Variants in FAP observed in about 807,000 individuals in gnomAD.
The protein encoded by FAP is fibroblast activation protein alpha.
Under a neutral mutation model 126.5 loss-of-function variants are expected in FAP, and 110 were observed. That is an observed-to-expected ratio of 0.87 (90% CI 0.74 to 1.02). FAP has a LOEUF of 1.02. Ranked by LOEUF, FAP falls within the 50% of genes least tolerant of loss-of-function variation. FAP has a pLI of 0.00. For missense variants in FAP, 919 were observed against 909.2 expected, an observed-to-expected ratio of 1.01 and a Z score of -0.14; for synonymous variants, 334 against 297.3, an observed-to-expected ratio of 1.12 and a Z score of -1.27.
At position 162,235,389 on chromosome 2, in the gene FAP, G is replaced by T. The variant is rs371676441; in HGVS notation, c.91+7519C>A. Among the ~76,000 whole-genome samples, 13 of 152,342 alleles carry T rather than the reference G, an allele frequency of 8.5e-5. 1 individual carries two copies. The highest frequency in any genetic ancestry group is 2.9e-4 in the African/African-American group (12 of 41,588). On this transcript the variant is annotated intron_variant, in intron 2 of 25. Transcript: ENST00000188790. Reference sequence around the variant, plus strand: ...GCCAGCTGGGCTCCTGAGGTTAGTGGGGACTTGGAGAACCTTTGTGTCTAG... The same window carrying T: ...GCCAGCTGGGCTCCTGAGGTTAGTGTGGACTTGGAGAACCTTTGTGTCTAG...
chr2:162,187,177 T>A (rs972663267), intron 20 of FAP, among the ~76,000 whole-genome samples: 6 of 152,068 alleles, frequency 3.9e-5, no homozygotes, highest in African/African-American at 1.4e-4. Flanking sequence ...GACAAAAATA[T>A]AGAAAAGTGT....
chr2:162,199,204 G>C (rs1688392398), intron 15 of FAP, among the ~76,000 whole-genome samples: 1 of 152,164 alleles, frequency 6.6e-6, no homozygotes, highest in Non-Finnish European at 1.5e-5. Flanking sequence ...CAAAGTGCTT[G>C]GGAATGCATA....
intron 16 of FAP, among the ~76,000 whole-genome samples, chr2:162,197,911 G>A (rs1688320611): frequency 6.6e-6 from 1 of 152,218 alleles, no homozygotes; most frequent in African/African-American, 2.4e-5. Context: ...AGGTGACAGA[G>A]ATTGGAGAAT....
In FAP at chr2:162,209,788, C is replaced by T. The variant is rs998561597; in HGVS notation, c.1047+164G>A. 46 of 572,118 alleles carry T rather than the reference C, an allele frequency of 8.0e-5. 1 individual carries two copies. Among genetic ancestry groups the T allele is most frequent in the South Asian group, 3.9e-4 (16 of 40,946 alleles). The allele number at this position is 572,118 out of a possible 1,614,324, so 35.4% of individuals were successfully genotyped here. A position where few individuals can be genotyped will look rare whatever the true frequency, so the allele number is the denominator to read the frequency against. ...TTCTAAAAAGGACATTGAAATTGTC[C>T]GGCACAAAATCACTCAAGAGATCAC... is the stretch of plus-strand genomic sequence containing the variant. On this transcript the variant is annotated intron_variant, in intron 12 of 25. Coordinates refer to ENST00000188790, the MANE Select transcript of FAP (RefSeq NM_004460.5).
At chr2:162,194,851 A>T (rs1043526849) in intron 16 of FAP, 103 bp from the exon 17 acceptor site, 1 of 971,244 alleles carries the variant, frequency 1.0e-6, no homozygotes, top group African/African-American at 1.6e-5. Flanking sequence ...AAGTGCCAGT[A>T]CATCTTTTAA....
intron 22 of FAP, among the ~76,000 whole-genome samples, chr2:162,174,195 T>C (rs1482979661): frequency 6.6e-6 from 1 of 152,148 alleles, no homozygotes; most frequent in Non-Finnish European, 1.5e-5. Flanking sequence ...GATGAAAATA[T>C]GTCCCTCAAA....
chr2:162,233,686 A>G (rs1205434825), intron 2 of FAP, among the ~76,000 whole-genome samples: 3 of 152,118 alleles, frequency 2.0e-5, no homozygotes, highest in Non-Finnish European at 2.9e-5. Flanking sequence ...CACTCTTTAA[A>G]TGGTATTCTT....
chr2:162,216,813 T>C (rs1689176332), intron 9 of FAP, among the ~76,000 whole-genome samples: 1 of 152,346 alleles, frequency 6.6e-6, no homozygotes, highest in Admixed American at 6.5e-5. Context: ...CCCAAGTTTA[T>C]CAGAAACTCC....
At chr2:162,235,201 C>T (rs1044992677) in intron 2 of FAP, among the ~76,000 whole-genome samples, 1 of 152,012 alleles carries the variant, frequency 6.6e-6, no homozygotes, top group Non-Finnish European at 1.5e-5. Context: ...CCTCCCCCTC[C>T]GCCATGGGCT....
intron 16 of FAP, chr2:162,194,965 AGCCTT>A: frequency 1.8e-6 from 1 of 563,730 alleles, no homozygotes; most frequent in Non-Finnish European, 3.2e-6. Flanking sequence ...CTGTGAAAGA[AGCCTT>A]GCCTGTGCAC....
In FAP at chr2:162,217,913, C is replaced by A. The variant is rs1038073731; in HGVS notation, c.762+73G>T. 10 of 1,241,432 alleles carry A rather than the reference C, an allele frequency of 8.1e-6. No homozygotes were observed. In the South Asian group the frequency reaches 9.6e-5, roughly 12 times the overall value. 76.9% of individuals were successfully genotyped at this position (1,241,432 alleles called of 1,614,324 possible). A position where few individuals can be genotyped will look rare whatever the true frequency, so the allele number is the denominator to read the frequency against. ...AGCTCTCCAAACTTGTTGATCCCACCTTTACTCATGGTAAATCATTGCTCA... is the reference window on the plus strand; with the variant it reads ...AGCTCTCCAAACTTGTTGATCCCACATTTACTCATGGTAAATCATTGCTCA... On this transcript the variant is annotated intron_variant, in intron 9 of 25. Coordinates refer to ENST00000188790, the MANE Select transcript of FAP (RefSeq NM_004460.5).
Position 162,226,521 on chromosome 2 carries a change from A to T in FAP, c.190+2T>A. ...ACCCCTAAAGATAAATAATGCACTT[A>T]CCTGAAATCCAGTTTGGAAAAAATG... is the stretch of plus-strand genomic sequence containing the variant. On this transcript the variant is annotated splice_donor_variant, in intron 3 of 25. Coordinates refer to ENST00000188790, the MANE Select transcript of FAP (RefSeq NM_004460.5). LOFTEE classifies it high-confidence loss of function. 6.7e-7 allele frequency: 1 copy of T among 1,503,658 alleles called. No homozygotes were observed. The highest frequency in any genetic ancestry group is 9.2e-7 in the Non-Finnish European group (1 of 1,091,446). The allele number at this position is 1,503,658 out of a possible 1,614,324, so 93.1% of individuals were successfully genotyped here. A position where few individuals can be genotyped will look rare whatever the true frequency, so the allele number is the denominator to read the frequency against.
chr2:162,235,620 C>G (rs1325831723), intron 2 of FAP, among the ~76,000 whole-genome samples: 2 of 152,164 alleles, frequency 1.3e-5, no homozygotes, highest in Non-Finnish European at 2.9e-5. Flanking sequence ...CCAATCAGCT[C>G]TCTGTAAAAC....
chr2:162,202,234 T>C (rs1452582091), intron 14 of FAP, among the ~76,000 whole-genome samples: 1 of 152,236 alleles, frequency 6.6e-6, no homozygotes, highest in Non-Finnish European at 1.5e-5. Flanking sequence ...TTAAATAGTA[T>C]GCAGAATGGA....
intron 22 of FAP, 107 bp downstream of exon 22, chr2:162,174,760 G>C (rs1687428482): frequency 1.5e-6 from 1 of 658,380 alleles, no homozygotes; most frequent in Non-Finnish European, 2.7e-6. Context: ...TTTCCCCAGT[G>C]ATGCTGGGGT....
chr2:162,173,680 A>G (rs1362110886), intron 23 of FAP, 43 bp downstream of exon 23: 3 of 1,268,166 alleles, frequency 2.4e-6, no homozygotes, highest in Non-Finnish European at 3.4e-6. Context: ...TATTTAGCAT[A>G]TTAGAAATTA....
At chr2:162,240,507 C>T (rs934426716) in intron 2 of FAP, among the ~76,000 whole-genome samples, 9 of 152,312 alleles carry the variant, frequency 5.9e-5, no homozygotes, top group African/African-American at 2.2e-4. Context: ...TGGATTCTTA[C>T]TCCCCAACTT....
At chr2:162,223,389 T>C (rs148725663) in intron 6 of FAP, among the ~76,000 whole-genome samples, 11 of 152,280 alleles carry the variant, frequency 7.2e-5, no homozygotes, top group African/African-American at 2.6e-4. Context: ...ATATTGTGAA[T>C]AAAAATATAA....
intron 2 of FAP, among the ~76,000 whole-genome samples, chr2:162,238,500 AT>A (rs1690226073): frequency 1.3e-5 from 2 of 152,202 alleles, no homozygotes; most frequent in South Asian, 4.1e-4. Flanking sequence ...TGATTTTAAA[AT>A]TCACGTGCAA....
Sources: gnomAD v4.1 joint callset for allele counts (sites outside exome capture counted in the v4.1 genomes callset) on GRCh38, gnomAD v4.1.1 for gene constraint, MANE v1.5 for transcripts, NCBI Gene and HGNC (gene_info 2026-07-23, HGNC 2026-07-21) for gene names.